The following INTS9 variants were observed in gnomAD, a reference collection of about 807,000 sequenced individuals.
INTS9 encodes protein related to CPSF subunits of 74 kDa.
In INTS9, 55 loss-of-function variants were observed where a neutral mutation model predicts 79.7. The observed-to-expected ratio is 0.69, with a 90% CI of 0.56 to 0.86. INTS9 has a LOEUF of 0.86. INTS9 is among the 40% of genes least tolerant of loss of function. The probability of loss-of-function intolerance (pLI) is 0.00; values close to 1 mark genes in which losing one functional copy is unlikely to be tolerated. For synonymous variants in INTS9, 319 were observed against 325.2 expected (o/e 0.98, Z 0.20); for missense variants, 721 against 831.5 (o/e 0.87, Z 1.64).
In INTS9 at chr8:28,856,120, A is replaced by C. The variant is rs559113505; in HGVS notation, c.137+3316T>G. Among the ~76,000 whole-genome samples the C allele has an allele frequency of 1.2e-4, 19 of 152,340 alleles. No individual in the cohort carries two copies. The South Asian group carries it at 3.7e-3, about 30-fold the overall frequency. On this transcript the variant is annotated intron_variant, in intron 2 of 16. Coordinates refer to ENST00000521022, the MANE Select transcript of INTS9 (RefSeq NM_018250.4). Reference sequence around the variant, plus strand: ...ATGAGAATTGATGAAACTGGTGAGGAGGCTTTAGTAATGATACCTATAAAA... The same window carrying C: ...ATGAGAATTGATGAAACTGGTGAGGCGGCTTTAGTAATGATACCTATAAAA...
intron 16 of INTS9, 128 bp from the exon 17 acceptor site, chr8:28,768,450 G>A: frequency 1.2e-6 from 1 of 834,062 alleles, no homozygotes; most frequent in Non-Finnish European, 2.0e-6. Context: ...CTTCAGACTA[G>A]TCATAGGCCT....
In INTS9 at chr8:28,889,951, T is replaced by A; in HGVS notation, c.-69A>T. 1 of 1,328,944 alleles carries A rather than the reference T, an allele frequency of 7.5e-7. No individual in the cohort carries two copies. The highest frequency in any genetic ancestry group is 1.1e-6 in the Non-Finnish European group (1 of 926,558). 82.3% of individuals were successfully genotyped at this position (1,328,944 alleles called of 1,614,324 possible). ...ACCCAGGAAGCGTCTTCCGGTGCAA[T>A]CTCCGCCACCTGCCAGCCGAGAGCA... On this transcript the variant is annotated 5_prime_UTR_variant, in exon 1 of 17. Coordinates refer to ENST00000521022, the MANE Select transcript of INTS9 (RefSeq NM_018250.4).
chr8:28,840,959 T>TAAAA (rs1262038493), intron 4 of INTS9, among the ~76,000 whole-genome samples: 2 of 121,544 alleles, frequency 1.6e-5, no homozygotes, highest in African/African-American at 3.1e-5. Flanking sequence ...ATAAATAAAG[T>TAAAA]AAAAAAAAAA....
chr8:28,798,929 C>T (rs755789953), intron 8 of INTS9, among the ~76,000 whole-genome samples: 15 of 152,202 alleles, frequency 9.9e-5, no homozygotes, highest in Non-Finnish European at 2.1e-4. Context: ...TGCACCACTG[C>T]GCTTTAGCCT....
intron 5 of INTS9, 73 bp from the exon 6 acceptor site, chr8:28,835,451 C>A: frequency 2.0e-6 from 2 of 1,009,852 alleles, no homozygotes; most frequent in Admixed American, 2.2e-5. Context: ...TAACAGTTGG[C>A]CAGGAGAAAT....
chr8:28,804,680 A>G (rs1198983950), intron 8 of INTS9, among the ~76,000 whole-genome samples: 1 of 152,218 alleles, frequency 6.6e-6, no homozygotes, highest in South Asian at 2.1e-4. Context: ...AAGAACACCA[A>G]GGAAGGCAGC....
intron 2 of INTS9, 30 bp downstream of exon 2, chr8:28,859,406 C>A (rs372192260): frequency 2.5e-6 from 4 of 1,610,798 alleles, no homozygotes; most frequent in South Asian, 1.1e-5. Flanking sequence ...ACTTAAAGCT[C>A]ATTTTGTCTT....
chr8:28,794,296 G>A (rs1470574490), intron 9 of INTS9, among the ~76,000 whole-genome samples: 1 of 152,166 alleles, frequency 6.6e-6, no homozygotes, highest in African/African-American at 2.4e-5. Flanking sequence ...TTTAGATCCT[G>A]CTCAAAAATT....
chr8:28,867,699 T>G (rs1377329294), intron 1 of INTS9, among the ~76,000 whole-genome samples: 1 of 151,186 alleles, frequency 6.6e-6, no homozygotes, highest in Non-Finnish European at 1.5e-5. Context: ...TTTAGTGAAC[T>G]GACTTTGGGT....
chr8:28,805,278 A>G (rs1266132071), intron 8 of INTS9, among the ~76,000 whole-genome samples: 2 of 152,234 alleles, frequency 1.3e-5, no homozygotes, highest in East Asian at 3.8e-4. Context: ...AAATGAAGTC[A>G]TATTTCCAAA....
Position 28,781,049 on chromosome 8 carries a change from G to T in INTS9, c.1099-55C>A. 3 of 1,452,834 alleles carry T rather than the reference G, an allele frequency of 2.1e-6. No homozygotes were observed. In the South Asian group the frequency reaches 3.5e-5, roughly 17 times the overall value. 90.0% of individuals were successfully genotyped at this position (1,452,834 alleles called of 1,614,324 possible). A position where few individuals can be genotyped will look rare whatever the true frequency, so the allele number is the denominator to read the frequency against. ...TGTGAGCCTGCCCAGGCTGAAGGGG[G>T]AACCAAAGTACGGGAGGGTGAGCGG... On this transcript the variant is annotated intron_variant, in intron 11 of 16. Coordinates refer to ENST00000521022, the MANE Select transcript of INTS9 (RefSeq NM_018250.4).
intron 14 of INTS9, among the ~76,000 whole-genome samples, chr8:28,772,145 G>A (rs1189747960): frequency 6.6e-6 from 1 of 152,194 alleles, no homozygotes; most frequent in Non-Finnish European, 1.5e-5. Context: ...ACAGGCCTGA[G>A]CCAATGTGCC....
chr8:28,813,059 G>T (rs1805244725), intron 7 of INTS9, among the ~76,000 whole-genome samples: 1 of 152,122 alleles, frequency 6.6e-6, no homozygotes. Flanking sequence ...CACACACTTT[G>T]GCTTTCCTTT....
At chr8:28,798,164 A>C (rs1804324728) in intron 8 of INTS9, 1 of 152,366 alleles carries the variant, frequency 6.6e-6, no homozygotes, top group East Asian at 1.9e-4. Context: ...GGCAGAACTC[A>C]TCTATTTGTA....
intron 1 of INTS9, among the ~76,000 whole-genome samples, chr8:28,885,844 A>G (rs997763905): frequency 2.0e-5 from 3 of 152,238 alleles, no homozygotes; most frequent in African/African-American, 7.2e-5. Flanking sequence ...AAAATGTGCT[A>G]ATTTAAAAGA....
chr8:28,862,033 T>G (rs1458678911), intron 1 of INTS9: 1 of 978,170 alleles, frequency 1.0e-6, no homozygotes, highest in Non-Finnish European at 1.2e-6. Context: ...CAAACTGCAC[T>G]GCTCACCGTG....
intron 1 of INTS9, among the ~76,000 whole-genome samples, chr8:28,863,086 A>G (rs1808546322): frequency 6.6e-6 from 1 of 152,222 alleles, no homozygotes; most frequent in South Asian, 2.1e-4. Flanking sequence ...AAGGGGCTGA[A>G]GAGGTCATTT....
intron 10 of INTS9, 141 bp downstream of exon 10, chr8:28,793,666 G>A: frequency 1.2e-6 from 1 of 807,644 alleles, no homozygotes; most frequent in Non-Finnish European, 1.9e-6. Context: ...TTTTAATAAT[G>A]CAATCTTATC....
chr8:28,851,022 G>A (rs932576501), intron 2 of INTS9, among the ~76,000 whole-genome samples: 2 of 152,218 alleles, frequency 1.3e-5, no homozygotes, highest in Non-Finnish European at 2.9e-5. Context: ...CAAGCTGAAA[G>A]TGCCAATAAC....
Sources: gnomAD v4.1 joint callset for allele counts (sites outside exome capture counted in the v4.1 genomes callset) on GRCh38, gnomAD v4.1.1 for gene constraint, MANE v1.5 for transcripts, NCBI Gene and HGNC (gene_info 2026-07-23, HGNC 2026-07-21) for gene names.